The following ATF7IP variants were observed in gnomAD, a reference collection of about 807,000 sequenced individuals.
ATF7IP encodes activating transcription factor 7-interacting protein 1.
Under a neutral mutation model 106.4 loss-of-function variants are expected in ATF7IP, and 23 were observed. The observed-to-expected ratio is 0.22, with a 90% CI of 0.16 to 0.31. ATF7IP has a LOEUF of 0.31. ATF7IP is among the 10% of genes least tolerant of loss of function. The pLI, the probability that ATF7IP is intolerant of heterozygous loss-of-function variation, is 1.00. For missense variants in ATF7IP, 1,334 were observed against 1,524.3 expected (o/e 0.88, Z 2.08); for synonymous variants, 542 against 539.0 (o/e 1.01, Z -0.08).
chr12:14,414,167 T>C (rs1355634309), intron 1 of ATF7IP, among the ~76,000 whole-genome samples: 1 of 152,206 alleles, frequency 6.6e-6, no homozygotes, highest in Non-Finnish European at 1.5e-5. Context: ...TATTTTAAAG[T>C]GTGATAGTTT....
chr12:14,470,114 C>CT lies in ATF7IP; in HGVS notation c.2862+3525dup, dbSNP rs1943985392. Among the ~76,000 whole-genome samples, 4 of 152,192 alleles carry CT rather than the reference C, an allele frequency of 2.6e-5. 1 individual carries two copies. In the South Asian group the frequency reaches 8.3e-4, roughly 32 times the overall value. ...CTTCCAAGGGCAACGTTCTTGATAA[C>CT]TAACCAAGTCTCAATTATGGGTCCA... On this transcript the variant is annotated intron_variant, in intron 10 of 14. Coordinates refer to ENST00000261168, the MANE Select transcript of ATF7IP (RefSeq NM_018179.5).
intron 1 of ATF7IP, among the ~76,000 whole-genome samples, chr12:14,396,453 A>C (rs929555315): frequency 6.6e-6 from 1 of 152,076 alleles, no homozygotes; most frequent in Non-Finnish European, 1.5e-5. Context: ...AAAAAAGCAT[A>C]TATTTTATTA....
At chr12:14,434,578 T>C (rs1157087269) in intron 3 of ATF7IP, among the ~76,000 whole-genome samples, 155 bp downstream of exon 3, 4 of 152,234 alleles carry the variant, frequency 2.6e-5, no homozygotes, top group Non-Finnish European at 2.9e-5. Flanking sequence ...AACTGAAGGA[T>C]TTCTGAAAGT....
chr12:14,440,530 G>A (rs755251079), intron 5 of ATF7IP, among the ~76,000 whole-genome samples: 2 of 152,044 alleles, frequency 1.3e-5, no homozygotes, highest in East Asian at 1.9e-4. Flanking sequence ...TTTTGACTTC[G>A]TATTGTTTCC....
chr12:14,484,605 G>T (rs1944533828), intron 13 of ATF7IP, among the ~76,000 whole-genome samples: 1 of 152,162 alleles, frequency 6.6e-6, no homozygotes, highest in Non-Finnish European at 1.5e-5. Flanking sequence ...TTACAGTGGT[G>T]CCTGCATATG....
At chr12:14,417,934 A>G (rs1368217115) in intron 1 of ATF7IP, among the ~76,000 whole-genome samples, 1 of 152,178 alleles carries the variant, frequency 6.6e-6, no homozygotes, top group Non-Finnish European at 1.5e-5. Context: ...TTGAACAGCC[A>G]TTTAAATTCT....
At chr12:14,412,042 A>G (rs1158535383) in intron 1 of ATF7IP, among the ~76,000 whole-genome samples, 1 of 152,184 alleles carries the variant, frequency 6.6e-6, no homozygotes, top group Non-Finnish European at 1.5e-5. Flanking sequence ...TCAAAATACT[A>G]TTCTTTCCCC....
chr12:14,421,476 C>T (rs1941504618), intron 1 of ATF7IP, among the ~76,000 whole-genome samples: 1 of 152,164 alleles, frequency 6.6e-6, no homozygotes, highest in South Asian at 2.1e-4. Context: ...TCTCTCCTAG[C>T]TTCTGGTAGT....
chr12:14,438,105 A>C, intron 4 of ATF7IP, 25 bp from the exon 5 acceptor site: 1 of 1,601,934 alleles, frequency 6.2e-7, no homozygotes, highest in South Asian at 1.1e-5. Context: ...TTCTTGGCAT[A>C]ATGAAGGAAT....
intron 9 of ATF7IP, among the ~76,000 whole-genome samples, chr12:14,465,607 A>T (rs1943802070): frequency 6.6e-6 from 1 of 152,102 alleles, no homozygotes; most frequent in African/African-American, 2.4e-5. Context: ...GGAGAAATCA[A>T]AGGGCATTCT....
At position 14,425,478 on chromosome 12, in the gene ATF7IP, G is replaced by C. The variant is rs1941795124; in HGVS notation, c.1558+5G>C. The C allele has an allele frequency of 6.6e-7, 1 of 1,512,638 alleles. No individual in the cohort carries two copies. Among genetic ancestry groups the C allele is most frequent in the Non-Finnish European group, 8.8e-7 (1 of 1,133,444 alleles). The allele number at this position is 1,512,638 out of a possible 1,614,324, so 93.7% of individuals were successfully genotyped here. On this transcript the variant is annotated splice_donor_5th_base_variant and intron_variant, in intron 2 of 14. Coordinates refer to ENST00000261168, the MANE Select transcript of ATF7IP (RefSeq NM_018179.5). ...AAAATGAAACGTGCTCTCCAGGTTA[G>C]CATATAACTTAAATGTTAAAGATTT...
At position 14,460,656 on chromosome 12, in the gene ATF7IP, C is replaced by T; in HGVS notation, c.2320C>T (p.Pro774Ser). The change falls in exon 9 of 15, where the codon CCT becomes TCT. Residue 774 changes from proline to serine, a missense_variant. Around this residue, in one of 10 missense-constraint regions of ATF7IP, gnomAD observed 171 missense variants for 172.6 expected, o/e 0.99. Coordinates refer to ENST00000261168, the MANE Select transcript of ATF7IP (RefSeq NM_018179.5). ...TTQVPSGNPQ[P>S]TISLQPLPVI... Reference sequence around the variant, plus strand: ...TCAGGTGCCTAGTGGAAATCCCCAGCCTACAATCTCTTTACAGCCTTTGCC... The same window carrying T: ...TCAGGTGCCTAGTGGAAATCCCCAGTCTACAATCTCTTTACAGCCTTTGCC... 2 of 1,614,200 alleles carry T rather than the reference C, an allele frequency of 1.2e-6. No homozygotes were observed. The highest frequency in any genetic ancestry group is 2.2e-5 in the South Asian group (2 of 91,088).
At chr12:14,370,282 T>A (rs1591749564) in intron 1 of ATF7IP, among the ~76,000 whole-genome samples, 1 of 152,260 alleles carries the variant, frequency 6.6e-6, no homozygotes, top group Admixed American at 6.5e-5. Flanking sequence ...TTCATTAGCT[T>A]CTCAAAAGAA....
intron 5 of ATF7IP, among the ~76,000 whole-genome samples, chr12:14,442,496 A>T (rs778380901): frequency 6.6e-6 from 1 of 152,176 alleles, no homozygotes; most frequent in Non-Finnish European, 1.5e-5. Flanking sequence ...ATAGTGCAAG[A>T]TCATGAGAGG....
In ATF7IP at chr12:14,464,448, A is replaced by G. The variant is rs144149378; in HGVS notation, c.2798-2078A>G. On this transcript the variant is annotated intron_variant, in intron 9 of 14. Transcript: ENST00000261168. The stretch of plus-strand genomic sequence containing the variant: ...TCTGTTCATACAATTATCCAGAGCT[A>G]CTAAGAGATAACTGCCAGTTTAACT... Among the ~76,000 whole-genome samples the G allele has an allele frequency of 7.2e-5, 11 of 152,362 alleles. No individual in the cohort carries two copies. In the East Asian group the frequency reaches 2.1e-3, roughly 29 times the overall value.
intron 10 of ATF7IP, among the ~76,000 whole-genome samples, chr12:14,471,216 G>A (rs1944030054): frequency 6.6e-6 from 1 of 152,142 alleles, no homozygotes; most frequent in Non-Finnish European, 1.5e-5. Context: ...ATATATCTTA[G>A]TGAATGTACC....
Position 14,397,818 on chromosome 12 carries a change from T to C in ATF7IP, c.-7-26091T>C, listed in dbSNP as rs1056854252. 3.3e-5 allele frequency among the ~76,000 whole-genome samples: 5 copies of C among 152,162 alleles called. No homozygotes were observed. In the East Asian group the frequency reaches 7.7e-4, roughly 23 times the overall value. ...CATCCCACAGTTATTAATAAGTCCT[T>C]CTTTATCTGTGATGCTCAGAACCAA... On this transcript the variant is annotated intron_variant, in intron 1 of 14. Transcript: ENST00000261168.
At chr12:14,404,362 AAATTGTCCTAT>A (rs1473488047) in intron 1 of ATF7IP, among the ~76,000 whole-genome samples, 1 of 152,208 alleles carries the variant, frequency 6.6e-6, no homozygotes, top group East Asian at 1.9e-4. Context: ...AGTGGCTTAA[AAATTGTCCTAT>A]AATCATGACC....
In ATF7IP at chr12:14,474,327, C is replaced by CT. The variant is rs563636517; in HGVS notation, c.2863-1554dup. On this transcript the variant is annotated intron_variant, in intron 10 of 14. Coordinates refer to ENST00000261168, the MANE Select transcript of ATF7IP (RefSeq NM_018179.5). ...AATTATTTTTTCAGCTTTATTATTT[C>CT]TTTTTTTTTCAGTTTCTTTTTCTCT... 2.1e-3 allele frequency among the ~76,000 whole-genome samples: 301 copies of CT among 144,652 alleles called. 1 individual carries two copies. Among genetic ancestry groups the CT allele is most frequent in the Admixed American group, 5.1e-3 (75 of 14,582 alleles). 94.9% of individuals were successfully genotyped at this position (144,652 alleles called of 152,430 possible).
Sources: allele counts gnomAD v4.1 joint callset (sites outside exome capture counted in the v4.1 genomes callset), GRCh38; gene constraint gnomAD v4.1.1; regional missense constraint gnomAD v4.1.1; transcripts MANE v1.5; gene names NCBI Gene and HGNC (gene_info 2026-07-23, HGNC 2026-07-21).